The following FRYL variants were observed in gnomAD, a reference collection of about 807,000 sequenced individuals.
The protein encoded by FRYL is protein furry homolog-like.
Under a neutral mutation model 351.2 loss-of-function variants are expected in FRYL, and 150 were observed. The observed-to-expected ratio is 0.43, with a 90% CI of 0.37 to 0.49. The LOEUF (loss-of-function observed/expected upper bound fraction) is 0.49. Ranked by LOEUF, FRYL falls within the 20% of genes least tolerant of loss-of-function variation. The probability of loss-of-function intolerance (pLI) is 0.00; values close to 1 mark genes in which losing one functional copy is unlikely to be tolerated. For missense variants in FRYL, 3,036 were observed against 3,619.3 expected (o/e 0.84, Z 4.13); for synonymous variants, 1,153 against 1,257.1 (o/e 0.92, Z 1.75).
At chr4:48,761,017 G>C (rs1774365325) in intron 1 of FRYL, among the ~76,000 whole-genome samples, 3 of 149,692 alleles carry the variant, frequency 2.0e-5, no homozygotes, top group African/African-American at 7.5e-5. Context: ...CTGTGTGTGT[G>C]TGTGTGTGTG....
chr4:48,580,608 A>G (rs1226831356), intron 22 of FRYL: 1 of 385,414 alleles, frequency 2.6e-6, no homozygotes, highest in East Asian at 3.8e-5. Context: ...TTTAACAGAA[A>G]CTTCTTAGAT....
chr4:48,688,454 A>G (rs1410596704), intron 2 of FRYL, among the ~76,000 whole-genome samples: 4 of 152,164 alleles, frequency 2.6e-5, no homozygotes, highest in Non-Finnish European at 5.9e-5. Flanking sequence ...TTAGTCAAAT[A>G]TTGTTTATAT....
rs1367271573 is a variant in FRYL at position 48,517,014 on chromosome 4, C to T, written c.7690-1739G>A. 2.6e-5 allele frequency among the ~76,000 whole-genome samples: 4 copies of T among 152,156 alleles called. No homozygotes were observed. In the East Asian group the frequency reaches 7.7e-4, roughly 29 times the overall value. ...TGAAAACACAAAGTGTGTAAGAGAA[C>T]ACTGCTCTGGATTTAGTTAAGCAGG... On this transcript the variant is annotated intron_variant, in intron 55 of 63. Transcript: ENST00000358350.
chr4:48,523,312 C>T (rs188133237), intron 53 of FRYL, among the ~76,000 whole-genome samples: 3 of 152,220 alleles, frequency 2.0e-5, no homozygotes, highest in Admixed American at 2.0e-4. Context: ...TGGTTGACAA[C>T]CTGTTTTAAC....
intron 3 of FRYL, among the ~76,000 whole-genome samples, chr4:48,660,103 A>C (rs1760393057): frequency 1.3e-5 from 2 of 151,894 alleles, no homozygotes; most frequent in South Asian, 4.2e-4. Flanking sequence ...GAGAAGGTAG[A>C]GAAAGACAAG....
chr4:48,534,270 A>G (rs1370634938), intron 49 of FRYL, among the ~76,000 whole-genome samples: 1 of 152,182 alleles, frequency 6.6e-6, no homozygotes, highest in East Asian at 1.9e-4. Context: ...CCTAATTTCC[A>G]GAGTTTTGAC....
At chr4:48,679,272 C>A (rs1764255594) in intron 3 of FRYL, among the ~76,000 whole-genome samples, 1 of 152,038 alleles carries the variant, frequency 6.6e-6, no homozygotes, top group Admixed American at 6.6e-5. Context: ...ACACACTAGA[C>A]ATCAATATAT....
chr4:48,699,097 TA>T, intron 2 of FRYL, among the ~76,000 whole-genome samples: 1 of 152,302 alleles, frequency 6.6e-6, no homozygotes, highest in Non-Finnish European at 1.5e-5. Flanking sequence ...ACAAAGCTAA[TA>T]AATGAACTGA....
rs1289655999 is a variant in FRYL, at chr4:48,634,338, C to A, written c.73G>T (p.Ala25Ser). ...YVIKSLFAEFAVQAEKKIEVV... is the reference protein window; with the variant it reads ...YVIKSLFAEFSVQAEKKIEVV... ...TCAATTTTCTTTTCAGCTTGAACAG[C>A]AAATTCTGCAAAGAGGCTCTTGATG... is the stretch of plus-strand genomic sequence containing the variant. Residue 25 changes from alanine (A) to serine (S), a missense_variant, in exon 4 of 64, where the codon GCT becomes TCT. Transcript: ENST00000358350. The A allele has an allele frequency of 6.2e-7, 1 of 1,613,532 alleles. No individual in the cohort carries two copies. The highest frequency in any genetic ancestry group is 8.5e-7 in the Non-Finnish European group (1 of 1,179,668).
At chr4:48,711,917 C>T (rs1433941179) in intron 1 of FRYL, among the ~76,000 whole-genome samples, 4 of 152,134 alleles carry the variant, frequency 2.6e-5, no homozygotes, top group East Asian at 1.9e-4. Context: ...CACGAAAAAC[C>T]GCTGCTCTGC....
At chr4:48,700,440 C>T (rs1406751906) in intron 2 of FRYL, among the ~76,000 whole-genome samples, 1 of 152,048 alleles carries the variant, frequency 6.6e-6, no homozygotes, top group Non-Finnish European at 1.5e-5. Context: ...CATTTTAAGC[C>T]TTTCATAAAC....
At chr4:48,656,108 A>T (rs1758880985) in intron 3 of FRYL, among the ~76,000 whole-genome samples, 1 of 105,288 alleles carries the variant, frequency 9.5e-6, no homozygotes, top group African/African-American at 2.9e-5. Context: ...TATATTGTAT[A>T]CATATATACA....
At chr4:48,726,661 G>C (rs189686660) in intron 1 of FRYL, among the ~76,000 whole-genome samples, 1 of 152,092 alleles carries the variant, frequency 6.6e-6, no homozygotes, top group Non-Finnish European at 1.5e-5. Flanking sequence ...CAGTCTGGGC[G>C]ACAGAGCGAG....
intron 12 of FRYL, among the ~76,000 whole-genome samples, chr4:48,602,353 C>T (rs1745887424): frequency 6.6e-6 from 1 of 152,066 alleles, no homozygotes; most frequent in Non-Finnish European, 1.5e-5. Flanking sequence ...TTAGAATATG[C>T]TATTAGTTCT....
rs934569879 is a variant in FRYL at position 48,499,125 on chromosome 4, C to T, written c.*297G>A. 3 of 241,488 alleles carry T rather than the reference C, an allele frequency of 1.2e-5. No homozygotes were observed. Among genetic ancestry groups the T allele is most frequent in the Non-Finnish European group, 2.4e-5 (3 of 123,916 alleles). 15.0% of individuals were successfully genotyped at this position (241,488 alleles called of 1,614,324 possible). On this transcript the variant is annotated 3_prime_UTR_variant, in exon 64 of 64. Coordinates refer to ENST00000358350, the MANE Select transcript of FRYL (RefSeq NM_015030.2). ...AAACATTCTTGGAATTCTTTTCTTT[C>T]CCCAGAAAGTAATGTATTTGTAGGC...
intron 2 of FRYL, among the ~76,000 whole-genome samples, chr4:48,698,227 TG>T (rs1471076564): frequency 6.6e-6 from 1 of 152,222 alleles, no homozygotes. Flanking sequence ...ACTGAAGAAG[TG>T]GTGCTCACAG....
At chr4:48,757,067 G>A (rs1578940928) in intron 1 of FRYL, among the ~76,000 whole-genome samples, 1 of 152,260 alleles carries the variant, frequency 6.6e-6, no homozygotes, top group African/African-American at 2.4e-5. Context: ...CCCAAGACAA[G>A]GCAGCTCTGT....
At chr4:48,668,586 G>T (rs1429397210) in intron 3 of FRYL, among the ~76,000 whole-genome samples, 1 of 152,156 alleles carries the variant, frequency 6.6e-6, no homozygotes, top group Admixed American at 6.5e-5. Context: ...TTTAACAAAG[G>T]TTTACTAACT....
intron 22 of FRYL, among the ~76,000 whole-genome samples, chr4:48,579,967 C>T (rs946475701): frequency 3.3e-5 from 5 of 151,698 alleles, no homozygotes; most frequent in African/African-American, 1.2e-4. Context: ...ATGGAAACAT[C>T]AAATTGCACC....
Sources: allele counts gnomAD v4.1 joint callset (sites outside exome capture counted in the v4.1 genomes callset), GRCh38; gene constraint gnomAD v4.1.1; transcripts MANE v1.5; gene names NCBI Gene and HGNC (gene_info 2026-07-23, HGNC 2026-07-21).